Variants in DGKG observed in about 807,000 individuals in gnomAD.
DGKG encodes DAG kinase gamma.
In DGKG, 78 loss-of-function variants were observed where a neutral mutation model predicts 105.3. That is an observed-to-expected ratio of 0.74 (90% CI 0.62 to 0.89). DGKG has a LOEUF of 0.89. DGKG is among the 40% of genes least tolerant of loss of function. DGKG has a pLI of 0.00. For synonymous variants in DGKG, 346 were observed against 367.1 expected (o/e 0.94, Z 0.66); for missense variants, 958 against 1,020.1 (o/e 0.94, Z 0.83).
chr3:186,306,955 A>G lies in DGKG; in HGVS notation c.90T>C (p.Asp30=), dbSNP rs775326522. Residue 30 remains aspartate (D), a synonymous_variant, in exon 3 of 25, where the codon GAT becomes GAC. Transcript: ENST00000265022. ...YSEYSSKKIK[D]ALTEFNEGGS... is the part of the protein sequence containing the mutation. The stretch of plus-strand genomic sequence containing the variant: ...CACCCTCATTAAATTCAGTCAAGGC[A>G]TCTTTTATCTTCTTGGAGGAATCTG... 3.1e-6 allele frequency: 5 copies of G among 1,612,720 alleles called. No homozygotes were observed. The highest frequency in any genetic ancestry group is 3.3e-5 in the Admixed American group (2 of 60,020).
At chr3:186,262,490 C>G (rs1432480889) in intron 14 of DGKG, among the ~76,000 whole-genome samples, 1 of 152,188 alleles carries the variant, frequency 6.6e-6, no homozygotes, top group African/African-American at 2.4e-5. Context: ...CTAGGTAAGT[C>G]CTGCACACCA....
At chr3:186,292,031 A>T (rs1323593118) in intron 5 of DGKG, among the ~76,000 whole-genome samples, 1 of 152,062 alleles carries the variant, frequency 6.6e-6, no homozygotes, top group Non-Finnish European at 1.5e-5. Context: ...CTTCCTCTTC[A>T]TTCTGCTTTA....
intron 7 of DGKG, 58 bp from the exon 8 acceptor site, chr3:186,280,802 A>G (rs1275208046): frequency 2.7e-6 from 4 of 1,479,688 alleles, no homozygotes; most frequent in African/African-American, 2.8e-5. Context: ...TGTGTCATTA[A>G]GAGCCGAACT....
At chr3:186,285,679 C>CTTTTTTTTT (rs34275225) in intron 6 of DGKG, among the ~76,000 whole-genome samples, 2 of 133,240 alleles carry the variant, frequency 1.5e-5, no homozygotes, top group Admixed American at 7.7e-5. Flanking sequence ...TTCTTTCTTT[C>CTTTTTTTTT]TTTTTTTTTT....
intron 17 of DGKG, among the ~76,000 whole-genome samples, chr3:186,256,178 C>T (rs781491640): frequency 3.9e-5 from 6 of 152,136 alleles, no homozygotes. Flanking sequence ...CCCAAGGTGA[C>T]AGGAGAGCGT....
chr3:186,231,789 C>T lies in DGKG; in HGVS notation c.1826+10715G>A, dbSNP rs745933184. Among the ~76,000 whole-genome samples the T allele has an allele frequency of 7.9e-5, 12 of 152,068 alleles. No homozygotes were observed. Among genetic ancestry groups the T allele is most frequent in the Admixed American group, 1.3e-4 (2 of 15,274 alleles). ...CAAAAAAATTAGCTGGGCATGGTGG[C>T]GCGCACCTGTAATCCCAGCTAATCA... On this transcript the variant is annotated intron_variant, in intron 20 of 24. Coordinates refer to ENST00000265022, the MANE Select transcript of DGKG (RefSeq NM_001346.3). The surrounding 1 kb of genome is among the most constrained non-coding windows in gnomAD (Gnocchi z 4.5).
At chr3:186,349,098 G>T (rs1299126874) in intron 1 of DGKG, among the ~76,000 whole-genome samples, 1 of 151,800 alleles carries the variant, frequency 6.6e-6, no homozygotes, top group Non-Finnish European at 1.5e-5. Context: ...TTAGAGACAG[G>T]TCTCGCTCTG....
chr3:186,267,397 A>C (rs1013982994), intron 13 of DGKG, among the ~76,000 whole-genome samples: 1 of 152,342 alleles, frequency 6.6e-6, no homozygotes, highest in South Asian at 2.1e-4. Flanking sequence ...CTGAAAGCAC[A>C]AACCCAACAG....
chr3:186,288,725 G>A lies in DGKG; in HGVS notation c.529C>T (p.Gln177Ter), dbSNP rs369665030. The change falls in exon 6 of 25, where the codon CAG becomes TAG. Residue 177 changes from glutamine (Q) to a stop codon, truncating the protein, a stop_gained. Coordinates refer to ENST00000265022, the MANE Select transcript of DGKG (RefSeq NM_001346.3). LOFTEE classifies it high-confidence loss of function. ...YLSLLETGRP[Q>*]DKLEFMFRLY... ...GAGCACTTACACTCCAGCTTATCCT[G>A]AGGCCTCCCCGTCTCCAGCAGGGAC... 1 of 1,614,148 alleles carries A rather than the reference G, an allele frequency of 6.2e-7. No individual in the cohort carries two copies. The highest frequency in any genetic ancestry group is 8.5e-7 in the Non-Finnish European group (1 of 1,180,016).
intron 20 of DGKG, 109 bp downstream of exon 20, chr3:186,242,395 A>C (rs1464848335): frequency 1.0e-5 from 9 of 877,454 alleles, no homozygotes; most frequent in African/African-American, 1.7e-5. Context: ...CAGGAAGGCC[A>C]AGTCCCCAGC....
rs6781840 is a variant in DGKG, at chr3:186,314,634, G to A, written c.67+5759C>T. Among the ~76,000 whole-genome samples, 409 of 151,828 alleles carry A rather than the reference G, an allele frequency of 2.7e-3. 1 individual carries two copies. The highest frequency in any genetic ancestry group is 9.3e-3 in the African/African-American group (385 of 41,402). On this transcript the variant is annotated intron_variant, in intron 2 of 24. Coordinates refer to ENST00000265022, the MANE Select transcript of DGKG (RefSeq NM_001346.3). ...CTGGGCATGGTGGTGGGAGCCTATA[G>A]TCCCAGCTACTTGGGAGACTGAGGC...
intron 24 of DGKG, among the ~76,000 whole-genome samples, chr3:186,156,718 G>A (rs181930755): frequency 6.6e-6 from 1 of 151,402 alleles, no homozygotes; most frequent in East Asian, 1.9e-4. Flanking sequence ...ATTTTACACA[G>A]TTCAGTTTAG....
chr3:186,246,508 T>G (rs1720947355), intron 19 of DGKG, among the ~76,000 whole-genome samples: 1 of 152,226 alleles, frequency 6.6e-6, no homozygotes, highest in Admixed American at 6.5e-5. Flanking sequence ...TAAGTCACTT[T>G]GGCAATTTAC....
chr3:186,178,031 C>A (rs1717169925), intron 22 of DGKG, among the ~76,000 whole-genome samples: 1 of 151,926 alleles, frequency 6.6e-6, no homozygotes, highest in African/African-American at 2.4e-5. Context: ...AAGAAGAGAC[C>A]AAGAGAGATG....
chr3:186,249,132 A>G (rs570126833), intron 19 of DGKG, among the ~76,000 whole-genome samples: 4 of 152,244 alleles, frequency 2.6e-5, no homozygotes, highest in African/African-American at 4.8e-5. Flanking sequence ...TTGAGCACGA[A>G]GAGGAGGGAG....
chr3:186,338,121 G>A (rs1725914621), intron 1 of DGKG, among the ~76,000 whole-genome samples: 1 of 136,762 alleles, frequency 7.3e-6, no homozygotes. Flanking sequence ...AGTGAGCCAA[G>A]AACGAGCCAC....
chr3:186,293,536 G>A (rs1309043431), intron 5 of DGKG, among the ~76,000 whole-genome samples: 3 of 152,200 alleles, frequency 2.0e-5, no homozygotes, highest in African/African-American at 7.2e-5. Context: ...TGAAGGGAAA[G>A]GTGGGCTCAG....
At chr3:186,161,518 T>G in intron 24 of DGKG, 85 bp downstream of exon 24, 1 of 1,602,528 alleles carries the variant, frequency 6.2e-7, no homozygotes, top group Admixed American at 1.7e-5. Flanking sequence ...GACTCTGAGA[T>G]TCAGTGATTT....
At chr3:186,221,621 C>G (rs1719585034) in intron 20 of DGKG, among the ~76,000 whole-genome samples, 1 of 152,220 alleles carries the variant, frequency 6.6e-6, no homozygotes, top group Non-Finnish European at 1.5e-5. Context: ...CCAGCATTTA[C>G]ACATCCATCA....
Sources: gnomAD v4.1 joint callset for allele counts (sites outside exome capture counted in the v4.1 genomes callset) on GRCh38, gnomAD v4.1.1 for gene constraint, Gnocchi (gnomAD v3.1) non-coding constraint, MANE v1.5 for transcripts, NCBI Gene and HGNC (gene_info 2026-07-23, HGNC 2026-07-21) for gene names.